The following RAD51B variants were observed in gnomAD, a reference collection of about 807,000 sequenced individuals.
The protein encoded by RAD51B is RAD51 paralog B.
A neutral mutation model predicts 42.2 loss-of-function variants in RAD51B; 38 were observed. That is an observed-to-expected ratio of 0.90 (90% CI 0.70 to 1.18). RAD51B has a LOEUF of 1.18. RAD51B is among the 50% of genes most tolerant of loss of function. The pLI, the probability that RAD51B is intolerant of heterozygous loss-of-function variation, is 0.00. For missense variants in RAD51B, 373 were observed against 400.7 expected, an observed-to-expected ratio of 0.93 and a Z score of 0.59; for synonymous variants, 154 against 145.2, an observed-to-expected ratio of 1.06 and a Z score of -0.43.
chr14:67,929,353 G>T (rs928067587), intron 7 of RAD51B, among the ~76,000 whole-genome samples: 14 of 152,058 alleles, frequency 9.2e-5, no homozygotes, highest in Admixed American at 6.6e-4. Flanking sequence ...TGACCCAGTG[G>T]TCACTCAGGA....
At chr14:68,111,682 C>G (rs1310591781) in intron 7 of RAD51B, among the ~76,000 whole-genome samples, 1 of 152,020 alleles carries the variant, frequency 6.6e-6, no homozygotes, top group Non-Finnish European at 1.5e-5. Flanking sequence ...TTGTCCAGTA[C>G]CTCTCTGTTC....
intron 7 of RAD51B, among the ~76,000 whole-genome samples, chr14:67,926,558 C>CTTTTTTTTTTTTTTTTT (rs534207569): frequency 1.2e-5 from 1 of 85,126 alleles, no homozygotes; most frequent in Non-Finnish European, 2.2e-5. Flanking sequence ...GATATGTTTC[C>CTTTTTTTTTTTTTTTTT]TTTTTTTTTT....
At chr14:68,479,849 G>A (rs1416958639), downstream of RAD51B, among the ~76,000 whole-genome samples, 1 of 151,242 alleles carries the variant, frequency 6.6e-6, no homozygotes, top group African/African-American at 2.4e-5. Context: ...TTTATTTTTT[G>A]TAGAGACAGA....
intron 7 of RAD51B, among the ~76,000 whole-genome samples, chr14:68,066,953 G>T (rs1275055863): frequency 5.9e-5 from 9 of 151,950 alleles, no homozygotes; most frequent in Admixed American, 5.9e-4. Context: ...ATTGAATGAT[G>T]CTAAAAGGAA....
At chr14:68,193,091 C>T (rs1422564885) in intron 7 of RAD51B, among the ~76,000 whole-genome samples, 1 of 152,036 alleles carries the variant, frequency 6.6e-6, no homozygotes, top group Non-Finnish European at 1.5e-5. Flanking sequence ...ACTTGTTGAT[C>T]CCGCGTGACC....
At chr14:68,050,259 CTCTTTTCTTTTT>C (rs1262892508) in intron 7 of RAD51B, among the ~76,000 whole-genome samples, 4 of 148,848 alleles carry the variant, frequency 2.7e-5, no homozygotes, top group East Asian at 1.9e-4. Flanking sequence ...CTTCTGTTTT[CTCTTTTCTTTTT>C]TCTTTTCTTT....
At chr14:68,412,023 A>C (rs1359948290) in intron 9 of RAD51B, among the ~76,000 whole-genome samples, 9 of 152,188 alleles carry the variant, frequency 5.9e-5, no homozygotes, top group Non-Finnish European at 1.5e-5. Flanking sequence ...TGATGCTAGA[A>C]AGACCTCCAA....
At chr14:68,108,920 A>G (rs990279195) in intron 7 of RAD51B, among the ~76,000 whole-genome samples, 5 of 152,040 alleles carry the variant, frequency 3.3e-5, no homozygotes, top group African/African-American at 9.6e-5. Context: ...TTTATTGTCT[A>G]TGAGGATCTT....
At chr14:68,635,754 T>G (rs1175058611) in intron 10 of RAD51B, among the ~76,000 whole-genome samples, 16 of 152,200 alleles carry the variant, frequency 1.1e-4, no homozygotes, top group Admixed American at 9.8e-4. Flanking sequence ...GGCTATTGTA[T>G]TAGATAGGGC....
Position 67,887,147 on chromosome 14 carries a change from G to T in RAD51B, c.699G>T (p.Lys233Asn), listed in dbSNP as rs149154702. 1.2e-6 allele frequency: 2 copies of T among 1,612,248 alleles called. No individual in the cohort carries two copies. The highest frequency in any genetic ancestry group is 2.2e-5 in the South Asian group (2 of 90,808). Residue 233 changes from lysine (K) to asparagine (N), a missense_variant, in exon 7 of 11, where the codon AAG (lysine) becomes AAT (asparagine). Lys to Asn is a moderately conservative substitution (Grantham distance 94, BLOSUM62 0). Coordinates refer to ENST00000471583, the MANE Select transcript of RAD51B (RefSeq NM_133510.4). The stretch of plus-strand genomic sequence containing the variant: ...AAGGCAATCTCAAAGAAAGAAACAA[G>T]TTCTTGGCAAGAGAGGCATCCTCCT... ...QLQGNLKERN[K>N]FLAREASSLK... is the part of the protein sequence containing the mutation.
intron 4 of RAD51B, among the ~76,000 whole-genome samples, chr14:67,847,039 A>G (rs892503740): frequency 3.3e-5 from 5 of 151,188 alleles, no homozygotes; most frequent in Non-Finnish European, 5.9e-5. Context: ...TCTTCAACTC[A>G]CCCCTTCCTC....
chr14:68,548,447 T>C (rs1182596982), intron 10 of RAD51B, among the ~76,000 whole-genome samples: 1 of 152,236 alleles, frequency 6.6e-6, no homozygotes, highest in Non-Finnish European at 1.5e-5. Context: ...GACTCCCTGA[T>C]TGGAAAGGAT....
intron 9 of RAD51B, among the ~76,000 whole-genome samples, chr14:68,465,666 G>A (rs1435450733): frequency 2.6e-5 from 4 of 152,142 alleles, no homozygotes; most frequent in Non-Finnish European, 5.9e-5. Flanking sequence ...ACCGGGCCAG[G>A]CGTGGTGGCT....
chr14:68,053,588 GGTT>G (rs2076428341), intron 7 of RAD51B, among the ~76,000 whole-genome samples: 1 of 152,138 alleles, frequency 6.6e-6, no homozygotes. Flanking sequence ...AAGATAGAAT[GGTT>G]GTTCTGGAAG....
chr14:68,617,778 C>A (rs1393290678), intron 10 of RAD51B, among the ~76,000 whole-genome samples: 6 of 152,304 alleles, frequency 3.9e-5, no homozygotes, highest in African/African-American at 9.6e-5. Flanking sequence ...ATATCTGAAG[C>A]CGTCAGTACA....
chr14:68,064,561 C>T (rs1271506574), intron 7 of RAD51B, among the ~76,000 whole-genome samples: 1 of 151,772 alleles, frequency 6.6e-6, no homozygotes, highest in African/African-American at 2.4e-5. Context: ...TCCTTGTTTT[C>T]TTTTTCTGGG....
chr14:68,067,332 C>A (rs969732647), intron 7 of RAD51B, among the ~76,000 whole-genome samples: 7 of 151,248 alleles, frequency 4.6e-5, no homozygotes, highest in Non-Finnish European at 1.0e-4. Context: ...GGCGTGGTGG[C>A]AGGCGCCTGT....
intron 11 of RAD51B, among the ~76,000 whole-genome samples, chr14:68,674,764 T>C (rs1229558574): frequency 6.6e-6 from 1 of 152,130 alleles, no homozygotes; most frequent in East Asian, 1.9e-4. Context: ...ATATGTTCCA[T>C]AAGTAGACCA....
intron 10 of RAD51B, among the ~76,000 whole-genome samples, chr14:68,494,279 C>CAAAAA (rs3074525): frequency 8.1e-5 from 10 of 123,072 alleles, no homozygotes; most frequent in Non-Finnish European, 3.5e-5. Flanking sequence ...GATTCCGTCT[C>CAAAAA]AAAAAAAAAA....
Sources: allele counts gnomAD v4.1 joint callset (sites outside exome capture counted in the v4.1 genomes callset), GRCh38; gene constraint gnomAD v4.1.1; transcripts MANE v1.5; gene names NCBI Gene and HGNC (gene_info 2026-07-23, HGNC 2026-07-21).